CHTF18: variants seen among roughly 807,000 people sequenced by gnomAD.
CHTF18 encodes the protein chromosome transmission fidelity protein 18 homolog.
Under a neutral mutation model 113.4 loss-of-function variants are expected in CHTF18, and 151 were observed. That is an observed-to-expected ratio of 1.33 (90% CI 1.17 to 1.52). The LOEUF (loss-of-function observed/expected upper bound fraction) is 1.52, where lower values mean the gene tolerates loss of function less well. Among genes scored for constraint, CHTF18 ranks in the 40% most tolerant of loss-of-function variants. The probability of loss-of-function intolerance (pLI) is 0.00; values close to 1 mark genes in which losing one functional copy is unlikely to be tolerated. For missense variants in CHTF18, 1,982 were observed against 1,381.6 expected (o/e 1.43, Z -6.89); for synonymous variants, 916 against 598.8 (o/e 1.53, Z -7.74).
At chr16:794,919 C>T (rs984138854) in intron 15 of CHTF18, 2 of 580,106 alleles carry the variant, frequency 3.4e-6, no homozygotes, top group Non-Finnish European at 6.1e-6. Flanking sequence ...CAGGGTGGAC[C>T]CTCCCCCGAC....
At position 797,736 on chromosome 16, in the gene CHTF18, G is replaced by A. The variant is rs771856219; in HGVS notation, c.2776G>A (p.Ala926Thr). Reference sequence around the variant, plus strand: ...TGGACGTGTGGTCGTCAGGAGCACAGCAGTCCCGAGTGCAGGTGTGTGTGG... The same window carrying A: ...TGGACGTGTGGTCGTCAGGAGCACAACAGTCCCGAGTGCAGGTGTGTGTGG... ...FFGRVVVRST[A>T]VPSAGDTAPE... The change falls in exon 21 of 22, where the codon GCA becomes ACA. Residue 926 changes from alanine to threonine, a missense_variant. Ala to Thr is a moderately conservative substitution (Grantham distance 58, BLOSUM62 0). Coordinates refer to ENST00000262315, the MANE Select transcript of CHTF18 (RefSeq NM_022092.3). The A allele has an allele frequency of 5.6e-6, 9 of 1,594,734 alleles. No individual in the cohort carries two copies. The highest frequency in any genetic ancestry group is 7.7e-6 in the Non-Finnish European group (9 of 1,171,324).
rs200888038 is a variant in CHTF18 at position 795,726 on chromosome 16, G to A, written c.2217G>A (p.Thr739=). ...GCCAGATGAGGAACCTGATCCAGACGCTGGTGTCCGGCATCGCGCCAGCCA... is the reference window on the plus strand; with the variant it reads ...GCCAGATGAGGAACCTGATCCAGACACTGGTGTCCGGCATCGCGCCAGCCA... ...RMSQMRNLIQ[T]LVSGIAPATR... is the part of the protein sequence containing the mutation. Residue 739 remains threonine (T), a synonymous_variant, in exon 17 of 22, where the codon ACG becomes ACA. Transcript: ENST00000262315. 604 of 1,605,942 alleles carry A rather than the reference G, an allele frequency of 3.8e-4. No individual in the cohort carries two copies. Among genetic ancestry groups the A allele is most frequent in the Middle Eastern group, 2.0e-3 (12 of 6,022 alleles).
chr16:790,245 C>G lies in CHTF18; in HGVS notation c.675C>G (p.Ser225=). The G allele has an allele frequency of 1.2e-6, 2 of 1,606,906 alleles. No individual in the cohort carries two copies. Among genetic ancestry groups the G allele is most frequent in the Non-Finnish European group, 1.7e-6 (2 of 1,177,630 alleles). ...QLDLLGVSLA[S]LKKQVDGERR... is the part of the protein sequence containing the mutation. ...ACCTGCTGGGTGTGTCCTTAGCCTC[C>G]CTGAAGAAGCAGGTCGACGGCGAGG... The change falls in exon 5 of 22, where the codon TCC becomes TCG. Residue 225 remains serine (S), a synonymous_variant. Coordinates refer to ENST00000262315, the MANE Select transcript of CHTF18 (RefSeq NM_022092.3).
rs760465465 is a variant in CHTF18, at chr16:794,080, T to C, written c.1829T>C (p.Leu610Pro). The C allele has an allele frequency of 2.5e-6, 4 of 1,612,118 alleles. No individual in the cohort carries two copies. The highest frequency in any genetic ancestry group is 1.1e-5 in the South Asian group (1 of 91,052). ...CGCCGTGTGGGCCAGGACCCCGCCC[T>C]GCCTGCTGACACACTCCTGCTGGGT... ...QRRRVGQDPA[L>P]PADTLLLGDG... Residue 610 changes from leucine (L) to proline (P), a missense_variant, in exon 15 of 22, where the codon CTG (leucine) becomes CCG (proline). Leu to Pro is a moderately conservative substitution (Grantham distance 98, BLOSUM62 -3). Transcript: ENST00000262315.
Position 792,580 on chromosome 16 carries a change from T to C in CHTF18, c.1468T>C (p.Cys490Arg), listed in dbSNP as rs1045934088. Residue 490 changes from cysteine to arginine, a missense_variant, in exon 11 of 22, where the codon TGC becomes CGC. Coordinates refer to ENST00000262315, the MANE Select transcript of CHTF18 (RefSeq NM_022092.3). Reference sequence around the variant, plus strand: ...CCTCATGAGGCCCATTATCTGCATTTGCAATGACCAGTGAGTGCATGGGCG... The same window carrying C: ...CCTCATGAGGCCCATTATCTGCATTCGCAATGACCAGTGAGTGCATGGGCG... ...GLLMRPIICI[C>R]NDQFAPSLRQ... The C allele has an allele frequency of 2.8e-5, 45 of 1,595,158 alleles. No individual in the cohort carries two copies. Among genetic ancestry groups the C allele is most frequent in the Non-Finnish European group, 3.4e-5 (40 of 1,174,450 alleles).
rs745906730 is a variant in CHTF18 at position 789,639 on chromosome 16, A to G, written c.530A>G (p.Tyr177Cys). The G allele has an allele frequency of 1.3e-5, 21 of 1,607,206 alleles. No individual in the cohort carries two copies. The highest frequency in any genetic ancestry group is 1.7e-5 in the Non-Finnish European group (20 of 1,179,750). The part of the protein sequence containing the change: ...VLRRPPILED[Y>C]VHVTSTEGVR... ...AGGCGGCCCCCCATCTTGGAGGACT[A>G]CGTCCACGTGACATCCACGGAGGGC... The change falls in exon 4 of 22, where the codon TAC (tyrosine) becomes TGC (cysteine). Residue 177 changes from tyrosine to cysteine, a missense_variant. Tyr to Cys is a radical substitution (Grantham distance 194, BLOSUM62 -2). Coordinates refer to ENST00000262315, the MANE Select transcript of CHTF18 (RefSeq NM_022092.3).
rs1364059783 is a variant in CHTF18 at position 795,300 on chromosome 16, G to C, written c.2119G>C (p.Val707Leu). 1 of 1,548,572 alleles carries C rather than the reference G, an allele frequency of 6.5e-7. No homozygotes were observed. The highest frequency in any genetic ancestry group is 2.4e-5 in the East Asian group (1 of 40,868). Residue 707 changes from valine (V) to leucine (L), a missense_variant, in exon 16 of 22, where the codon GTG becomes CTG. Transcript: ENST00000262315. The part of the protein sequence containing the change: ...YPPFLPVAFH[V>L]LFASSHTPRI... Reference sequence around the variant, plus strand: ...ACCCTTCCTGCCCGTGGCCTTCCATGTGCTGTTTGCTTCCAGCCACACACC... The same window carrying C: ...ACCCTTCCTGCCCGTGGCCTTCCATCTGCTGTTTGCTTCCAGCCACACACC...
In CHTF18 at chr16:794,204, A is replaced by T; in HGVS notation, c.1950+3A>T. The stretch of plus-strand genomic sequence containing the variant: ...GCGAGCACGAGAAGGTGGTCCAGGT[A>T]CCTGTCTTCCACCAAAATGCCTGCC... On this transcript the variant is annotated splice_donor_region_variant and intron_variant, in intron 15 of 21. Coordinates refer to ENST00000262315, the MANE Select transcript of CHTF18 (RefSeq NM_022092.3). 1.2e-6 allele frequency: 2 copies of T among 1,609,478 alleles called. No individual in the cohort carries two copies. The highest frequency in any genetic ancestry group is 1.7e-6 in the Non-Finnish European group (2 of 1,177,472).
intron 7 of CHTF18, 178 bp from the exon 8 acceptor site, chr16:790,971 TGTGGCCAGAGCC>T: frequency 6.9e-7 from 1 of 1,442,290 alleles, no homozygotes; most frequent in Admixed American, 2.7e-5. Flanking sequence ...CCAGATGGGT[TGTGGCCAGAGCC>T]GTGGGGGTGG....
intron 11 of CHTF18, 54 bp downstream of exon 11, chr16:792,644 G>A: frequency 6.3e-7 from 1 of 1,590,076 alleles, no homozygotes; most frequent in Admixed American, 1.7e-5. Context: ...CCTGGAGGGA[G>A]GGTTCCGGCC....
intron 4 of CHTF18, 37 bp downstream of exon 4, chr16:789,752 C>T (rs901489706): frequency 1.3e-6 from 2 of 1,533,192 alleles, no homozygotes; most frequent in African/African-American, 2.7e-5. Context: ...GTGGGTGGGC[C>T]AGTGCTGCTC....
At position 790,348 on chromosome 16, in the gene CHTF18, G is replaced by T; in HGVS notation, c.701G>T (p.Arg234Leu). 1.2e-6 allele frequency: 2 copies of T among 1,610,406 alleles called. No individual in the cohort carries two copies. Among genetic ancestry groups the T allele is most frequent in the Non-Finnish European group, 1.7e-6 (2 of 1,179,138 alleles). Residue 234 changes from arginine (R) to leucine (L), a missense_variant and splice_region_variant, in exon 6 of 22, where the codon CGG (arginine) becomes CTG (leucine). Physicochemically the swap from Arg to Leu is moderately radical, Grantham distance 102 (BLOSUM62 -2). Transcript: ENST00000262315. ...GATTCCAGCCTGTTGTTTGCACAGCGGCGGGAGCGGCTGCTTCAGGAGGCC... is the reference window on the plus strand; with the variant it reads ...GATTCCAGCCTGTTGTTTGCACAGCTGCGGGAGCGGCTGCTTCAGGAGGCC... ...ASLKKQVDGERRERLLQEAQK... is the reference protein window; with the variant it reads ...ASLKKQVDGELRERLLQEAQK...
In CHTF18 at chr16:793,046, C is replaced by G. The variant is rs1417867639; in HGVS notation, c.1653C>G (p.Ala551=). The G allele has an allele frequency of 6.5e-7, 1 of 1,540,634 alleles. No individual in the cohort carries two copies. The highest frequency in any genetic ancestry group is 1.2e-5 in the South Asian group (1 of 84,620). Reference sequence around the variant, plus strand: ...AGAAAACTGACAATGACATCCGGGCCTGCATCAACACCCTGCAGGTGGGCG... The same window carrying G: ...AGAAAACTGACAATGACATCCGGGCGTGCATCAACACCCTGCAGGTGGGCG... ...LCEKTDNDIR[A]CINTLQFLYS... Residue 551 remains alanine (A), a synonymous_variant, in exon 13 of 22, where the codon GCC becomes GCG. Coordinates refer to ENST00000262315, the MANE Select transcript of CHTF18 (RefSeq NM_022092.3).
chr16:791,388 T>TGCC lies in CHTF18; in HGVS notation c.1104+23_1104+25dup. 6.3e-7 allele frequency: 1 copy of TGCC among 1,583,240 alleles called. No homozygotes were observed. On this transcript the variant is annotated intron_variant, in intron 8 of 21. Coordinates refer to ENST00000262315, the MANE Select transcript of CHTF18 (RefSeq NM_022092.3). ...AGCAGAAGGTGAGCCCCGCTGGCTG[T>TGCC]GCCGCCGGGAACAAGCCTGAGGCTT...
rs774642832 is a variant in CHTF18 at position 797,996 on chromosome 16, C to G, written c.*21C>G. 6.2e-7 allele frequency: 1 copy of G among 1,600,282 alleles called. No homozygotes were observed. Among genetic ancestry groups the G allele is most frequent in the African/African-American group, 1.3e-5 (1 of 74,748 alleles). ...TCTAGTTCTCTGAGCCGCGGACATG[C>G]CCTCGCATTGCTTCCCGCAGAGTGC... On this transcript the variant is annotated 3_prime_UTR_variant, in exon 22 of 22. Coordinates refer to ENST00000262315, the MANE Select transcript of CHTF18 (RefSeq NM_022092.3).
chr16:790,486 C>A, intron 6 of CHTF18, 39 bp from the exon 7 acceptor site: 2 of 1,606,868 alleles, frequency 1.2e-6, no homozygotes, highest in South Asian at 1.1e-5. Flanking sequence ...GGCATGGTCC[C>A]TGCGAGTTGT....
Position 795,996 on chromosome 16 carries a change from T to C in CHTF18, c.2375T>C (p.Leu792Pro). Residue 792 changes from leucine to proline, a missense_variant, in exon 18 of 22, where the codon CTG becomes CCG. Leu to Pro is a moderately conservative substitution (Grantham distance 98). Coordinates refer to ENST00000262315, the MANE Select transcript of CHTF18 (RefSeq NM_022092.3). ...STREKQQLAS[L>P]VGTMLAYSLT... ...CGTGAAAAGCAACAGCTGGCCAGCC[T>C]GGTGGGCACGATGCTCGCTTACAGC... The C allele has an allele frequency of 6.2e-7, 1 of 1,608,488 alleles. No homozygotes were observed. Among genetic ancestry groups the C allele is most frequent in the Non-Finnish European group, 8.5e-7 (1 of 1,178,084 alleles).
At position 796,792 on chromosome 16, in the gene CHTF18, C is replaced by A; in HGVS notation, c.2532C>A (p.Ile844=). 6.2e-7 allele frequency: 1 copy of A among 1,610,878 alleles called. No individual in the cohort carries two copies. ...KPLTYQTKQL[I]AREIEVEKMR... Reference sequence around the variant, plus strand: ...TCACCTACCAGACGAAGCAGCTCATCGCCCGCGAGATCGAGGTGGAGAAGA... The same window carrying A: ...TCACCTACCAGACGAAGCAGCTCATAGCCCGCGAGATCGAGGTGGAGAAGA... The change falls in exon 19 of 22, where the codon ATC becomes ATA. Residue 844 remains isoleucine (I), a synonymous_variant. Coordinates refer to ENST00000262315, the MANE Select transcript of CHTF18 (RefSeq NM_022092.3).
intron 20 of CHTF18, 130 bp downstream of exon 20, chr16:797,222 C>T (rs1314671286): frequency 8.8e-6 from 10 of 1,140,650 alleles, no homozygotes; most frequent in African/African-American, 3.2e-5. Flanking sequence ...GTGGCTAGGG[C>T]CCCTCATGAG....
Sources: gnomAD v4.1 joint callset for allele counts on GRCh38, gnomAD v4.1.1 for gene constraint, MANE v1.5 for transcripts, NCBI Gene and HGNC (gene_info 2026-07-23, HGNC 2026-07-21) for gene names.